Variants in SLC25A43 observed in about 807,000 individuals in gnomAD.
The protein encoded by SLC25A43 is solute carrier family 25 member 43, also known as solute carrier family 25, member 43.
In SLC25A43, 10 loss-of-function variants were observed where a neutral mutation model predicts 22.8. The ratio of observed to expected loss-of-function variants is 0.44; its 90% CI spans 0.27 to 0.74. The LOEUF (loss-of-function observed/expected upper bound fraction) is 0.74, where lower values mean the gene tolerates loss of function less well. SLC25A43 is among the 30% of genes least tolerant of loss of function. The probability of loss-of-function intolerance (pLI) is 0.17; values close to 1 mark genes in which losing one functional copy is unlikely to be tolerated. For missense variants in SLC25A43, 233 were observed against 279.1 expected (o/e 0.83, Z 1.18); for synonymous variants, 106 against 121.6 (o/e 0.87, Z 0.84).
intron 1 of SLC25A43, among the ~76,000 whole-genome samples, chrX:119,404,157 C>T (rs1479030321): frequency 9.0e-6 from 1 of 110,613 alleles, no homozygotes; most frequent in Admixed American, 9.6e-5. Context: ...GCCACCATGC[C>T]CAGCTAATTT....
Position 119,452,044 on chromosome X carries a change from A to C in SLC25A43, c.726A>C (p.Val242=), listed in dbSNP as rs759962297. 23 of 1,208,630 alleles carry C rather than the reference A, an allele frequency of 1.9e-5. No homozygotes were observed. The highest frequency in any genetic ancestry group is 2.3e-5 in the Non-Finnish European group (21 of 894,608). Residue 242 remains valine, a synonymous_variant, in exon 4 of 5, where the codon GTA becomes GTC. Transcript: ENST00000217909. Reference sequence around the variant, plus strand: ...CCTACCTCCCACACAGTGGAGGAGTAGATGTCCATTTCTCAGGAGCAGTGG... The same window carrying C: ...CCTACCTCCCACACAGTGGAGGAGTCGATGTCCATTTCTCAGGAGCAGTGG... The part of the protein sequence containing the change: ...QSPYLPHSGG[V]DVHFSGAVDC...
In SLC25A43 at chrX:119,453,172, G is replaced by A; in HGVS notation, c.*107G>A. ...GAGGGATGAGAAGCTACTGCTATCT[G>A]CTGCTCTGGGAAATGAGATGGTTTG... On this transcript the variant is annotated 3_prime_UTR_variant, in exon 5 of 5. Coordinates refer to ENST00000217909, the MANE Select transcript of SLC25A43 (RefSeq NM_145305.3). 1 of 681,588 alleles carries A rather than the reference G, an allele frequency of 1.5e-6. No individual in the cohort carries two copies. The highest frequency in any genetic ancestry group is 2.2e-6 in the Non-Finnish European group (1 of 446,074). The allele number at this position is 681,588 out of a possible 1,213,427, so 56.2% of individuals were successfully genotyped here. A position where few individuals can be genotyped will look rare whatever the true frequency, so the allele number is the denominator to read the frequency against.
intron 3 of SLC25A43, among the ~76,000 whole-genome samples, chrX:119,445,828 A>C (rs1020753119): frequency 9.0e-6 from 1 of 111,159 alleles, no homozygotes; most frequent in Non-Finnish European, 1.9e-5. Context: ...GAGATCTAGT[A>C]ATCAGAAGGA....
intron 3 of SLC25A43, among the ~76,000 whole-genome samples, chrX:119,416,242 T>C (rs1345071014): frequency 9.2e-6 from 1 of 109,193 alleles, no homozygotes; most frequent in Non-Finnish European, 1.9e-5. Flanking sequence ...TTTTTTGAAA[T>C]GGAGTCTCGC....
chrX:119,403,072 G>A lies in SLC25A43; in HGVS notation c.276-3388G>A, dbSNP rs902017063. 4.5e-5 allele frequency among the ~76,000 whole-genome samples: 5 copies of A among 111,212 alleles called. No individual in the cohort carries two copies. In the Admixed American group the frequency reaches 4.8e-4, roughly 11 times the overall value. ...CCTACCAGTCATTTCCTTGTCAGAA[G>A]TGTTGAACTCCCTTAGGCTCTATGC... On this transcript the variant is annotated intron_variant, in intron 1 of 4. Transcript: ENST00000217909.
intron 1 of SLC25A43, among the ~76,000 whole-genome samples, chrX:119,401,148 G>A (rs1470831986): frequency 9.0e-6 from 1 of 111,367 alleles, no homozygotes; most frequent in Non-Finnish European, 1.9e-5. Context: ...ATGCAGAATT[G>A]GGCTCAGAGT....
At chrX:119,444,703 CAAA>C (rs1188627062) in intron 3 of SLC25A43, among the ~76,000 whole-genome samples, 4 of 60,267 alleles carry the variant, frequency 6.6e-5, no homozygotes, top group Non-Finnish European at 6.3e-5. Context: ...AACTGTGTCT[CAAA>C]AAAAAAAAAA....
At chrX:119,441,856 G>A (rs1400749636) in intron 3 of SLC25A43, among the ~76,000 whole-genome samples, 1 of 111,449 alleles carries the variant, frequency 9.0e-6, no homozygotes, top group African/African-American at 3.3e-5. Flanking sequence ...TTGGGAGGCC[G>A]AGGCAGGTGG....
chrX:119,443,916 G>A (rs2052644566), intron 3 of SLC25A43, among the ~76,000 whole-genome samples: 1 of 107,359 alleles, frequency 9.3e-6, no homozygotes, highest in African/African-American at 3.4e-5. Context: ...CATCATGCCC[G>A]GCTAATTTTT....
At chrX:119,429,822 A>C (rs1279071442) in intron 3 of SLC25A43, among the ~76,000 whole-genome samples, 1 of 111,902 alleles carries the variant, frequency 8.9e-6, no homozygotes, top group Non-Finnish European at 1.9e-5. Context: ...TCTGATCAAT[A>C]AGACAGACTT....
At chrX:119,444,282 T>G (rs969040307) in intron 3 of SLC25A43, among the ~76,000 whole-genome samples, 2 of 111,901 alleles carry the variant, frequency 1.8e-5, no homozygotes, top group African/African-American at 6.5e-5. Context: ...TAAAGCCTGC[T>G]GAAGTACTTA....
At chrX:119,428,647 C>T (rs2052528427) in intron 3 of SLC25A43, among the ~76,000 whole-genome samples, 1 of 112,288 alleles carries the variant, frequency 8.9e-6, no homozygotes, top group Non-Finnish European at 1.9e-5. Context: ...TTGTTACATA[C>T]ATTTTTCACG....
chrX:119,433,939 C>T (rs2052576054), intron 3 of SLC25A43, among the ~76,000 whole-genome samples: 1 of 112,004 alleles, frequency 8.9e-6, no homozygotes, highest in African/African-American at 3.2e-5. Context: ...ATGGGGGACC[C>T]ACTGAAGAGT....
At chrX:119,445,802 A>C (rs771468339) in intron 3 of SLC25A43, among the ~76,000 whole-genome samples, 1 of 111,402 alleles carries the variant, frequency 9.0e-6, no homozygotes, top group East Asian at 2.8e-4. Context: ...CAGAGTCTAA[A>C]GTAATCAAGT....
At chrX:119,425,099 T>A (rs2052492016) in intron 3 of SLC25A43, among the ~76,000 whole-genome samples, 1 of 112,034 alleles carries the variant, frequency 8.9e-6, no homozygotes, top group South Asian at 3.7e-4. Context: ...TGGGCTGTCC[T>A]GGGGTCTGCT....
chrX:119,410,600 C>G (rs754778120), intron 3 of SLC25A43, among the ~76,000 whole-genome samples: 4 of 111,951 alleles, frequency 3.6e-5, no homozygotes, highest in Non-Finnish European at 7.5e-5. Flanking sequence ...TTTTAAGAAG[C>G]CTCCAGGCTA....
chrX:119,406,013 C>G (rs1013376487), intron 1 of SLC25A43, among the ~76,000 whole-genome samples: 1 of 108,883 alleles, frequency 9.2e-6, no homozygotes, highest in South Asian at 3.9e-4. Context: ...GCCTGGCCAA[C>G]AAAGTGAGAC....
intron 1 of SLC25A43, among the ~76,000 whole-genome samples, chrX:119,400,468 A>G (rs1239066817): frequency 1.8e-5 from 2 of 112,180 alleles, no homozygotes; most frequent in Admixed American, 1.9e-4. Flanking sequence ...ATGGCATTTC[A>G]GGAAGCAGAG....
intron 3 of SLC25A43, among the ~76,000 whole-genome samples, chrX:119,447,637 C>A (rs946584074): frequency 9.0e-6 from 1 of 111,107 alleles, no homozygotes; most frequent in Non-Finnish European, 1.9e-5. Flanking sequence ...TAACCAGTGA[C>A]CTCCATGTGT....
Sources: allele counts gnomAD v4.1 joint callset (sites outside exome capture counted in the v4.1 genomes callset), GRCh38; gene constraint gnomAD v4.1.1; transcripts MANE v1.5; gene names NCBI Gene and HGNC (gene_info 2026-07-23, HGNC 2026-07-21).